The following XRCC6 variants were observed in gnomAD, a reference collection of about 807,000 sequenced individuals.
XRCC6 encodes the protein DNA repair protein Ku70.
A neutral mutation model predicts 65.7 loss-of-function variants in XRCC6; 5 were observed. The observed-to-expected ratio is 0.08, with a 90% CI of 0.04 to 0.16. XRCC6 has a LOEUF of 0.16. Ranked by LOEUF, XRCC6 falls within the 10% of genes least tolerant of loss-of-function variation. The pLI is 1.00. For missense variants in XRCC6, 447 were observed against 738.1 expected (o/e 0.61, Z 4.57); for synonymous variants, 270 against 270.6 (o/e 1.00, Z 0.02).
Position 41,658,318 on chromosome 22 carries a change from T to C in XRCC6, c.1488T>C (p.Asp496=), listed in dbSNP as rs1035864190. The C allele has an allele frequency of 1.9e-6, 3 of 1,613,942 alleles. No homozygotes were observed. In the African/African-American group the frequency reaches 4.0e-5, roughly 22 times the overall value. ...GGAACCTGGAGGCCTTGGCCTTGGA[T>C]TTGATGGAGCCGGAACAAGCAGTGG... The part of the protein sequence containing the change: ...HFRNLEALAL[D]LMEPEQAVDL... The change falls in exon 11 of 13, where the codon GAT becomes GAC. Residue 496 remains aspartate, a synonymous_variant. Transcript: ENST00000360079.
intron 6 of XRCC6, among the ~76,000 whole-genome samples, chr22:41,641,342 G>A (rs7286971): frequency 0.04 from 6,117 of 152,206 alleles, 265 homozygotes; most frequent in African/African-American, 0.093. Flanking sequence ...GTGGGTACAT[G>A]GTAGGTGTAT....
At chr22:41,638,135 C>G (rs1013932195) in intron 6 of XRCC6, among the ~76,000 whole-genome samples, 9 of 152,124 alleles carry the variant, frequency 5.9e-5, no homozygotes, top group Admixed American at 2.0e-4. Flanking sequence ...GCTGCTTTAT[C>G]TCTGGCAAGA....
intron 3 of XRCC6, among the ~76,000 whole-genome samples, chr22:41,629,306 C>CT (rs1361478616): frequency 6.6e-6 from 1 of 152,162 alleles, no homozygotes; most frequent in Non-Finnish European, 1.5e-5. Context: ...GCCACCACCT[C>CT]TATCTTATTC....
chr22:41,659,697 CATTT>C (rs1301352781), intron 11 of XRCC6, among the ~76,000 whole-genome samples: 24 of 152,032 alleles, frequency 1.6e-4, no homozygotes, highest in East Asian at 1.9e-4. Context: ...TTCATTCATT[CATTT>C]GAGACAGGTT....
At chr22:41,628,975 A>AG (rs1356802636) in intron 3 of XRCC6, among the ~76,000 whole-genome samples, 1 of 151,202 alleles carries the variant, frequency 6.6e-6, no homozygotes, top group Admixed American at 6.6e-5. Flanking sequence ...CAAAAAAAAA[A>AG]AAAAAAAAAA....
At chr22:41,650,659 C>T (rs964187621) in intron 7 of XRCC6, 64 bp from the exon 8 acceptor site, 8 of 1,551,746 alleles carry the variant, frequency 5.2e-6, no homozygotes, top group Non-Finnish European at 7.0e-6. Context: ...GTGTCATCAT[C>T]TTCGAGTTAT....
chr22:41,653,714 G>A (rs1302966689), intron 9 of XRCC6, 24 bp downstream of exon 9: 1 of 1,609,900 alleles, frequency 6.2e-7, no homozygotes, highest in East Asian at 2.2e-5. Flanking sequence ...ATATTTCCAG[G>A]GCTTCTGAAC....
chr22:41,650,539 G>A (rs1393852142), intron 7 of XRCC6, among the ~76,000 whole-genome samples, 184 bp from the exon 8 acceptor site: 1 of 152,184 alleles, frequency 6.6e-6, no homozygotes, highest in African/African-American at 2.4e-5. Context: ...AGTAGTTGGT[G>A]TAAAGTACCT....
chr22:41,645,320 CA>C (rs796370362), intron 6 of XRCC6, among the ~76,000 whole-genome samples: 4 of 147,324 alleles, frequency 2.7e-5, no homozygotes, highest in Admixed American at 1.4e-4. Flanking sequence ...AAACAAAAAA[CA>C]AAAAAAAACA....
In XRCC6 at chr22:41,633,533, C is replaced by T. The variant is rs143896276; in HGVS notation, c.196-2580C>T. 3.4e-3 allele frequency among the ~76,000 whole-genome samples: 510 copies of T among 152,164 alleles called. 4 individuals are homozygous for T. The highest frequency in any genetic ancestry group is 5.4e-3 in the Non-Finnish European group (364 of 68,018). On this transcript the variant is annotated intron_variant, in intron 3 of 12. Transcript: ENST00000360079. ...CTGGGACTACAGGCACCCACCACCA[C>T]ACCCGGCTAATTTTTTGTTCTTGTT...
chr22:41,658,906 G>A (rs1222753111), intron 11 of XRCC6, among the ~76,000 whole-genome samples: 1 of 152,188 alleles, frequency 6.6e-6, no homozygotes, highest in Non-Finnish European at 1.5e-5. Flanking sequence ...ACTCCAGCCT[G>A]GTGACAGAGC....
At chr22:41,622,340 T>C (rs2067617697) in intron 2 of XRCC6, among the ~76,000 whole-genome samples, 1 of 152,190 alleles carries the variant, frequency 6.6e-6, no homozygotes, top group Admixed American at 6.6e-5. Flanking sequence ...GCCATGACCA[T>C]AGGTATTTTT....
chr22:41,658,335 A>G lies in XRCC6; in HGVS notation c.1505A>G (p.Gln502Arg), dbSNP rs750789414. Residue 502 changes from glutamine (Q) to arginine (R), a missense_variant, in exon 11 of 13, where the codon CAA becomes CGA. By Grantham distance (43) the Gln-to-Arg change is conservative. Around this residue, in one of 4 missense-constraint regions of XRCC6, gnomAD observed 201 missense variants for 374.1 expected, o/e 0.54. Transcript: ENST00000360079. ...ALALDLMEPE[Q>R]AVDLTLPKVE... ...GCCTTGGATTTGATGGAGCCGGAAC[A>G]AGCAGTGGACCTGACATGTAAGGAG... The G allele has an allele frequency of 1.2e-6, 2 of 1,614,062 alleles. No homozygotes were observed. The highest frequency in any genetic ancestry group is 1.7e-6 in the Non-Finnish European group (2 of 1,180,032).
At chr22:41,652,217 G>A (rs1035917617) in intron 8 of XRCC6, among the ~76,000 whole-genome samples, 4 of 149,358 alleles carry the variant, frequency 2.7e-5, no homozygotes, top group South Asian at 2.2e-4. Context: ...GAACCTTGCC[G>A]TTGTGTTTAT....
intron 9 of XRCC6, among the ~76,000 whole-genome samples, chr22:41,656,309 T>TA (rs2068044511): frequency 6.7e-6 from 1 of 150,234 alleles, no homozygotes; most frequent in South Asian, 2.1e-4. Flanking sequence ...TCCCCTGAGG[T>TA]CAGGAGTTTG....
intron 11 of XRCC6, among the ~76,000 whole-genome samples, chr22:41,660,739 G>A (rs1439183227): frequency 1.3e-5 from 2 of 152,032 alleles, no homozygotes; most frequent in African/African-American, 4.8e-5. Flanking sequence ...CTTCTTGCAT[G>A]GTGTTGCCCA....
At chr22:41,639,665 C>T (rs868383034) in intron 6 of XRCC6, among the ~76,000 whole-genome samples, 6 of 26,448 alleles carry the variant, frequency 2.3e-4, no homozygotes, top group Non-Finnish European at 4.5e-4. Context: ...TAGATTCTCT[C>T]TCTTTTTTTT....
At chr22:41,636,320 T>C (rs2067809482) in intron 4 of XRCC6, 69 bp downstream of exon 4, 14 of 1,528,562 alleles carry the variant, frequency 9.2e-6, no homozygotes, top group Non-Finnish European at 1.2e-5. Context: ...CAAAGAGGAC[T>C]GTGGAGAAGG....
rs763005618 is a variant in XRCC6 at position 41,647,024 on chromosome 22, G to A, written c.902G>A (p.Arg301Gln). The change falls in exon 7 of 13, where the codon CGG (arginine) becomes CAG (glutamine). Residue 301 changes from arginine (R) to glutamine (Q), a missense_variant. Arg to Gln is a conservative substitution (Grantham distance 43). Around this residue, in one of 4 missense-constraint regions of XRCC6, gnomAD observed 201 missense variants for 374.1 expected, o/e 0.54. Transcript: ENST00000360079. ...ETNEPVKTKT[R>Q]TFNTSTGGLL... ...AATGAACCAGTGAAAACCAAGACCC[G>A]GACCTTTAATACAAGTACAGGCGGT... 1.9e-6 allele frequency: 3 copies of A among 1,614,102 alleles called. No individual in the cohort carries two copies. The highest frequency in any genetic ancestry group is 2.5e-6 in the Non-Finnish European group (3 of 1,180,036).
Sources: allele counts gnomAD v4.1 joint callset (sites outside exome capture counted in the v4.1 genomes callset), GRCh38; gene constraint gnomAD v4.1.1; regional missense constraint gnomAD v4.1.1; transcripts MANE v1.5; gene names NCBI Gene and HGNC (gene_info 2026-07-23, HGNC 2026-07-21).